The following FOXJ1 variants were observed in gnomAD, a reference collection of about 807,000 sequenced individuals.
FOXJ1 encodes the protein forkhead box J1.
Under a neutral mutation model 29.3 loss-of-function variants are expected in FOXJ1, and 8 were observed. The ratio of observed to expected loss-of-function variants is 0.27; its 90% confidence interval spans 0.16 to 0.49. The LOEUF is 0.49. FOXJ1 is among the 20% of genes least tolerant of loss of function. FOXJ1 has a pLI of 0.98. For synonymous variants in FOXJ1, 280 were observed against 278.7 expected (o/e 1.00, Z -0.05); for missense variants, 539 against 595.5 (o/e 0.91, Z 0.99).
In FOXJ1 at chr17:76,137,661, G is replaced by C. The variant is rs777676324; in HGVS notation, c.958C>G (p.Leu320Val). Reference protein sequence around the residue: ...DWEAIFDAGTLGGELGALEAL... With the variant: ...DWEAIFDAGTVGGELGALEAL... ...TCCAGTGCACCCAGCTCCCCGCCCAGAGTGCCGGCGTCGAAGATGGCCTCC... is the reference window on the plus strand; with the variant it reads ...TCCAGTGCACCCAGCTCCCCGCCCACAGTGCCGGCGTCGAAGATGGCCTCC... Residue 320 changes from leucine (L) to valine (V), a missense_variant, in exon 3 of 3, where the codon CTG becomes GTG. Transcript: ENST00000322957. The surrounding 1 kb of genome is among the most constrained non-coding windows in gnomAD (Gnocchi z 9.5). The C allele has an allele frequency of 1.2e-6, 2 of 1,611,574 alleles. No individual in the cohort carries two copies. The highest frequency in any genetic ancestry group is 1.7e-5 in the Admixed American group (1 of 59,824).
rs527317423 is a variant in FOXJ1 at position 76,140,475 on chromosome 17, GAGTCCCGC to G, written c.-88_-81del. 20 of 1,255,700 alleles carry G rather than the reference GAGTCCCGC, an allele frequency of 1.6e-5. No homozygotes were observed. In the East Asian group the frequency reaches 6.0e-4, roughly 38 times the overall value. 77.8% of individuals were successfully genotyped at this position (1,255,700 alleles called of 1,614,324 possible). A position where few individuals can be genotyped will look rare whatever the true frequency, so the allele number is the denominator to read the frequency against. ...GGCCCGCCGCGCTCTCTGGCCCGCT[GAGTCCCGC>G]AGCTCCCGTTACACGGCCTCCCGGA... On this transcript the variant is annotated 5_prime_UTR_variant, in exon 2 of 3. Coordinates refer to ENST00000322957, the MANE Select transcript of FOXJ1 (RefSeq NM_001454.4). The surrounding 1 kb of genome is among the most constrained non-coding windows in gnomAD (Gnocchi z 8.0).
rs1347309668 is a variant in FOXJ1, at chr17:76,140,249, G to A, written c.147C>T (p.Ala49=). 2.7e-6 allele frequency: 4 copies of A among 1,467,648 alleles called. No homozygotes were observed. In the South Asian group the frequency reaches 4.4e-5, roughly 16 times the overall value. The allele number at this position is 1,467,648 out of a possible 1,614,324, so 90.9% of individuals were successfully genotyped here. Residue 49 remains alanine, a synonymous_variant, in exon 2 of 3, where the codon GCC becomes GCT. Transcript: ENST00000322957. This position sits in a 1 kb window ranked among gnomAD's most constrained non-coding sequence, Gnocchi z 8.0. Reference sequence around the variant, plus strand: ...CGGTGCCCCCCGGGGGCAGGGCGGGGGCCTTGGCGTTGAGAATGGAGAATT... The same window carrying A: ...CGGTGCCCCCCGGGGGCAGGGCGGGAGCCTTGGCGTTGAGAATGGAGAATT... The part of the protein sequence containing the change: ...LQEFSILNAK[A]PALPPGGTDP...
intron 2 of FOXJ1, among the ~76,000 whole-genome samples, chr17:76,138,889 C>T (rs745448383): frequency 6.6e-6 from 1 of 152,154 alleles, no homozygotes; most frequent in Non-Finnish European, 1.5e-5. Flanking sequence ...GTGGCCTGCC[C>T]GCTTTGGGTG....
In FOXJ1 at chr17:76,137,313, G is replaced by T; in HGVS notation, c.*40C>A. ...GTGTTGGGGGGCAGTTCTGGACCCTGACTTGGGCACTGTCCAGAGGTGGGG... is the reference window on the plus strand; with the variant it reads ...GTGTTGGGGGGCAGTTCTGGACCCTTACTTGGGCACTGTCCAGAGGTGGGG... On this transcript the variant is annotated 3_prime_UTR_variant, in exon 3 of 3. Coordinates refer to ENST00000322957, the MANE Select transcript of FOXJ1 (RefSeq NM_001454.4). This position sits in a 1 kb window ranked among gnomAD's most constrained non-coding sequence, Gnocchi z 9.5. 2 of 1,431,062 alleles carry T rather than the reference G, an allele frequency of 1.4e-6. No homozygotes were observed. The highest frequency in any genetic ancestry group is 2.9e-5 in the South Asian group (2 of 67,952). 88.6% of individuals were successfully genotyped at this position (1,431,062 alleles called of 1,614,324 possible).
rs765773312 is a variant in FOXJ1, at chr17:76,140,323, C to G, written c.73G>C (p.Glu25Gln). 31 of 1,500,120 alleles carry G rather than the reference C, an allele frequency of 2.1e-5. No individual in the cohort carries two copies. The South Asian group carries it at 3.4e-4, about 16-fold the overall frequency. The allele number at this position is 1,500,120 out of a possible 1,614,324, so 92.9% of individuals were successfully genotyped here. Reference sequence around the variant, plus strand: ...AGGCTGTCATCCAGGGCGTCGGGCTCCTCCAGGCCGCCCTCCGGCCCGGCC... The same window carrying G: ...AGGCTGTCATCCAGGGCGTCGGGCTGCTCCAGGCCGCCCTCCGGCCCGGCC... ...EEAGPEGGLE[E>Q]PDALDDSLTS... The change falls in exon 2 of 3, where the codon GAG becomes CAG. Residue 25 changes from glutamate (E) to glutamine (Q), a missense_variant. Transcript: ENST00000322957. The surrounding 1 kb of genome is among the most constrained non-coding windows in gnomAD (Gnocchi z 8.0).
chr17:76,140,091 G>A lies in FOXJ1; in HGVS notation c.305C>T (p.Pro102Leu). The change falls in exon 2 of 3, where the codon CCG (proline) becomes CTG (leucine). Residue 102 changes from proline (P) to leucine (L), a missense_variant. Physicochemically the swap from Pro to Leu is moderately conservative, Grantham distance 98 (BLOSUM62 -3). Around this residue, in one of 3 missense-constraint regions of FOXJ1, gnomAD observed 178 missense variants for 254.4 expected, o/e 0.70. Transcript: ENST00000322957. The surrounding 1 kb of genome is among the most constrained non-coding windows in gnomAD (Gnocchi z 8.0). ...GTCGGGGGGTGGGGCCTGCAGCCCC[G>A]GGGGCGCGCTCCGCGACGTGCACGA... Reference protein sequence around the residue: ...TSSCTSRSAPPGLQAPPPDDV... With the variant: ...TSSCTSRSAPLGLQAPPPDDV... The A allele has an allele frequency of 6.2e-7, 1 of 1,603,054 alleles. No individual in the cohort carries two copies. Among genetic ancestry groups the A allele is most frequent in the Non-Finnish European group, 8.5e-7 (1 of 1,179,154 alleles).
intron 2 of FOXJ1, among the ~76,000 whole-genome samples, chr17:76,138,644 G>T (rs1598373390): frequency 6.6e-6 from 1 of 152,124 alleles, no homozygotes; most frequent in East Asian, 1.9e-4. Flanking sequence ...TGTTGAGCCG[G>T]CTGCTGGCCT....
intron 2 of FOXJ1, among the ~76,000 whole-genome samples, chr17:76,138,735 C>T (rs1461850829): frequency 6.6e-6 from 1 of 152,208 alleles, no homozygotes; most frequent in African/African-American, 2.4e-5. Context: ...GAGCATAGCA[C>T]TCATTCCTGG....
chr17:76,140,038 C>T lies in FOXJ1; in HGVS notation c.358G>A (p.Val120Met), dbSNP rs1430247976. Reference sequence around the variant, plus strand: ...GTGGCATACGAGTAGGGAGGCTTCACGTGCGGATTGGTGGCGTAGTCCACG... The same window carrying T: ...GTGGCATACGAGTAGGGAGGCTTCATGTGCGGATTGGTGGCGTAGTCCACG... ...DDVDYATNPH[V>M]KPPYSYATLI... Residue 120 changes from valine to methionine, a missense_variant, in exon 2 of 3, where the codon GTG becomes ATG. Val to Met is a conservative substitution (Grantham distance 21, BLOSUM62 1). Transcript: ENST00000322957. The surrounding 1 kb of genome is among the most constrained non-coding windows in gnomAD (Gnocchi z 8.0). 1 of 1,612,054 alleles carries T rather than the reference C, an allele frequency of 6.2e-7. No individual in the cohort carries two copies. Among genetic ancestry groups the T allele is most frequent in the Non-Finnish European group, 8.5e-7 (1 of 1,179,950 alleles).
rs1469447786 is a variant in FOXJ1 at position 76,136,769 on chromosome 17, C to G, written c.*584G>C. 3 of 152,320 alleles carry G rather than the reference C, an allele frequency of 2.0e-5. No homozygotes were observed. In the East Asian group the frequency reaches 5.8e-4, roughly 29 times the overall value. The allele number at this position is 152,320 out of a possible 1,614,324, so 9.4% of individuals were successfully genotyped here. ...GGCCTTAGAGAGGATCTCCTTGCCC[C>G]ACCCTGTGCCACCACCTCATTTTGG... is the stretch of plus-strand genomic sequence containing the variant. On this transcript the variant is annotated 3_prime_UTR_variant, in exon 3 of 3. Transcript: ENST00000322957. This position sits in a 1 kb window ranked among gnomAD's most constrained non-coding sequence, Gnocchi z 4.9.
rs931667485 is a variant in FOXJ1, at chr17:76,139,062, G to A, written c.498+836C>T. 6.6e-6 allele frequency among the ~76,000 whole-genome samples: 1 copy of A among 152,186 alleles called. No homozygotes were observed. The highest frequency in any genetic ancestry group is 1.5e-5 in the Non-Finnish European group (1 of 68,034). On this transcript the variant is annotated intron_variant, in intron 2 of 2. Coordinates refer to ENST00000322957, the MANE Select transcript of FOXJ1 (RefSeq NM_001454.4). The surrounding 1 kb of genome is among the most constrained non-coding windows in gnomAD (Gnocchi z 6.6). The stretch of plus-strand genomic sequence containing the variant: ...TTAATCTTGTCCAAAGCCTGCTGGG[G>A]GACAGGGGTCCTGGGCTGGGACGGC...
In FOXJ1 at chr17:76,140,100, C is replaced by T. The variant is rs775850730; in HGVS notation, c.296G>A (p.Ser99Asn). ...GKPTSSCTSR[S>N]APPGLQAPPP... Reference sequence around the variant, plus strand: ...TGGGGCCTGCAGCCCCGGGGGCGCGCTCCGCGACGTGCACGACGACGTGGG... The same window carrying T: ...TGGGGCCTGCAGCCCCGGGGGCGCGTTCCGCGACGTGCACGACGACGTGGG... The change falls in exon 2 of 3, where the codon AGC (serine) becomes AAC (asparagine). Residue 99 changes from serine (S) to asparagine (N), a missense_variant. Around this residue, in one of 3 missense-constraint regions of FOXJ1, gnomAD observed 178 missense variants for 254.4 expected, o/e 0.70. Coordinates refer to ENST00000322957, the MANE Select transcript of FOXJ1 (RefSeq NM_001454.4). This position sits in a 1 kb window ranked among gnomAD's most constrained non-coding sequence, Gnocchi z 8.0. 1.3e-6 allele frequency: 2 copies of T among 1,596,732 alleles called. No individual in the cohort carries two copies. Among genetic ancestry groups the T allele is most frequent in the Non-Finnish European group, 1.7e-6 (2 of 1,176,948 alleles).
In FOXJ1 at chr17:76,137,502, C is replaced by T. The variant is rs1394240137; in HGVS notation, c.1117G>A (p.Asp373Asn). 8 of 1,586,004 alleles carry T rather than the reference C, an allele frequency of 5.0e-6. No homozygotes were observed. Among genetic ancestry groups the T allele is most frequent in the South Asian group, 4.6e-5 (4 of 87,296 alleles). Residue 373 changes from aspartate (D) to asparagine (N), a missense_variant, in exon 3 of 3, where the codon GAT becomes AAT. By Grantham distance (23) the Asp-to-Asn change is conservative. This residue lies in a region of FOXJ1 where 302 missense variants were observed against 293.6 expected (regional missense o/e 1.03). Coordinates refer to ENST00000322957, the MANE Select transcript of FOXJ1 (RefSeq NM_001454.4). The surrounding 1 kb of genome is among the most constrained non-coding windows in gnomAD (Gnocchi z 9.5). ...AAGGATGTGGCCAGGAAGGTCTCATCGAAGTCCAGGCTGTCGGCAGCCTGC... is the reference window on the plus strand; with the variant it reads ...AAGGATGTGGCCAGGAAGGTCTCATTGAAGTCCAGGCTGTCGGCAGCCTGC... Reference protein sequence around the residue: ...VEQAADSLDFDETFLATSFLQ... With the variant: ...VEQAADSLDFNETFLATSFLQ...
chr17:76,137,084 G>A lies in FOXJ1; in HGVS notation c.*269C>T. 1 of 360,028 alleles carries A rather than the reference G, an allele frequency of 2.8e-6. No homozygotes were observed. The highest frequency in any genetic ancestry group is 4.3e-5 in the East Asian group (1 of 23,458). 22.3% of individuals were successfully genotyped at this position (360,028 alleles called of 1,614,324 possible). A position where few individuals can be genotyped will look rare whatever the true frequency, so the allele number is the denominator to read the frequency against. On this transcript the variant is annotated 3_prime_UTR_variant, in exon 3 of 3. Transcript: ENST00000322957. This position sits in a 1 kb window ranked among gnomAD's most constrained non-coding sequence, Gnocchi z 9.5. ...CAGGGTCCTTTAGCCGGTTTCTGGG[G>A]CTGGGAAGACGCGGAGCAATGAAAC...
chr17:76,140,498 G>A lies in FOXJ1; in HGVS notation c.-103C>T. 1 of 1,077,224 alleles carries A rather than the reference G, an allele frequency of 9.3e-7. No individual in the cohort carries two copies. The highest frequency in any genetic ancestry group is 1.2e-6 in the Non-Finnish European group (1 of 811,732). 66.7% of individuals were successfully genotyped at this position (1,077,224 alleles called of 1,614,324 possible). On this transcript the variant is annotated 5_prime_UTR_variant, in exon 2 of 3. Transcript: ENST00000322957. This position sits in a 1 kb window ranked among gnomAD's most constrained non-coding sequence, Gnocchi z 8.0. ...CTGAGTCCCGCAGCTCCCGTTACAC[G>A]GCCTCCCGGACGCGCGCTTCCATCT...
rs956646426 is a variant in FOXJ1 at position 76,137,345 on chromosome 17, C to T, written c.*8G>A. Reference sequence around the variant, plus strand: ...GCACTGTCCAGAGGTGGGGCAGGGCCTGGCCTCTTACAAGAAGGCCCCCAC... The same window carrying T: ...GCACTGTCCAGAGGTGGGGCAGGGCTTGGCCTCTTACAAGAAGGCCCCCAC... On this transcript the variant is annotated 3_prime_UTR_variant, in exon 3 of 3. Transcript: ENST00000322957. This position sits in a 1 kb window ranked among gnomAD's most constrained non-coding sequence, Gnocchi z 9.5. The T allele has an allele frequency of 6.8e-7, 1 of 1,478,042 alleles. No homozygotes were observed. Among genetic ancestry groups the T allele is most frequent in the Non-Finnish European group, 9.0e-7 (1 of 1,116,404 alleles). 91.6% of individuals were successfully genotyped at this position (1,478,042 alleles called of 1,614,324 possible).
intron 2 of FOXJ1, 141 bp from the exon 3 acceptor site, chr17:76,138,261 GC>G: frequency 1.1e-6 from 1 of 888,454 alleles, no homozygotes; most frequent in Non-Finnish European, 1.7e-6. Context: ...ACACTGGTCT[GC>G]CCAGGCGGCT....
Position 76,140,510 on chromosome 17 carries a change from G to T in FOXJ1, c.-115C>A. 1.0e-6 allele frequency: 1 copy of T among 978,086 alleles called. No homozygotes were observed. 60.6% of individuals were successfully genotyped at this position (978,086 alleles called of 1,614,324 possible). Reference sequence around the variant, plus strand: ...GCTCCCGTTACACGGCCTCCCGGACGCGCGCTTCCATCTCGCGACCCCGGG... The same window carrying T: ...GCTCCCGTTACACGGCCTCCCGGACTCGCGCTTCCATCTCGCGACCCCGGG... On this transcript the variant is annotated 5_prime_UTR_variant, in exon 2 of 3. Coordinates refer to ENST00000322957, the MANE Select transcript of FOXJ1 (RefSeq NM_001454.4). This position sits in a 1 kb window ranked among gnomAD's most constrained non-coding sequence, Gnocchi z 8.0.
Position 76,139,798 on chromosome 17 carries a change from A to G in FOXJ1, c.498+100T>C, listed in dbSNP as rs2068503412. 1 of 1,367,864 alleles carries G rather than the reference A, an allele frequency of 7.3e-7. No individual in the cohort carries two copies. Among genetic ancestry groups the G allele is most frequent in the East Asian group, 2.5e-5 (1 of 39,974 alleles). 84.7% of individuals were successfully genotyped at this position (1,367,864 alleles called of 1,614,324 possible). On this transcript the variant is annotated intron_variant, in intron 2 of 2. Transcript: ENST00000322957. The surrounding 1 kb of genome is among the most constrained non-coding windows in gnomAD (Gnocchi z 6.6). ...CCTTCTGGGGCGCTGGCCGCACCGC[A>G]GAGCCTACTTGGCCTGCAGATTTGG...
Sources: gnomAD v4.1 joint callset for allele counts (sites outside exome capture counted in the v4.1 genomes callset) on GRCh38, gnomAD v4.1.1 for gene constraint, gnomAD v4.1.1 regional missense constraint, Gnocchi (gnomAD v3.1) non-coding constraint, MANE v1.5 for transcripts, NCBI Gene and HGNC (gene_info 2026-07-23, HGNC 2026-07-21) for gene names.